The following TAFA5 variants were observed in gnomAD, a reference collection of about 807,000 sequenced individuals.
TAFA5 encodes the protein TAFA chemokine like family member 5, also known as chemokine-like protein TAFA-5.
Under a neutral mutation model 15.3 loss-of-function variants are expected in TAFA5, and 6 were observed. The observed-to-expected ratio is 0.39, with a 90% confidence interval of 0.21 to 0.77. The LOEUF (loss-of-function observed/expected upper bound fraction) is 0.77. TAFA5 is among the 30% of genes least tolerant of loss of function. The pLI is 0.41. For missense variants in TAFA5, 161 were observed against 193.1 expected (o/e 0.83, Z 0.98); for synonymous variants, 103 against 80.7 (o/e 1.28, Z -1.48).
At chr22:48,690,402 C>T (rs1027669658) in intron 2 of TAFA5, among the ~76,000 whole-genome samples, 4 of 152,050 alleles carry the variant, frequency 2.6e-5, no homozygotes, top group South Asian at 2.1e-4. Context: ...GTGTATCAGC[C>T]ACACAGCCGT....
chr22:48,694,217 T>A (rs1391003607), intron 2 of TAFA5, among the ~76,000 whole-genome samples: 1 of 152,146 alleles, frequency 6.6e-6, no homozygotes, highest in Non-Finnish European at 1.5e-5. Context: ...CAGTAATAAA[T>A]GAGCATACCA....
chr22:48,734,364 T>C (rs1448631124), intron 3 of TAFA5, among the ~76,000 whole-genome samples: 3 of 152,242 alleles, frequency 2.0e-5, no homozygotes, highest in Non-Finnish European at 4.4e-5. Context: ...AAGATTTGAA[T>C]CCAGTTTCCC....
chr22:48,576,836 C>T (rs1285197660), intron 1 of TAFA5, among the ~76,000 whole-genome samples: 1 of 151,834 alleles, frequency 6.6e-6, no homozygotes, highest in Non-Finnish European at 1.5e-5. Flanking sequence ...TCTGGCGCCG[C>T]CCCGGATCCC....
intron 1 of TAFA5, among the ~76,000 whole-genome samples, chr22:48,568,477 A>G (rs1923477961): frequency 6.6e-6 from 1 of 152,150 alleles, no homozygotes; most frequent in South Asian, 2.1e-4. Context: ...GACTCCAGAC[A>G]AGGGCTGGCT....
intron 1 of TAFA5, among the ~76,000 whole-genome samples, chr22:48,549,619 A>C (rs1922792325): frequency 6.6e-6 from 1 of 152,206 alleles, no homozygotes; most frequent in South Asian, 2.1e-4. Context: ...TGCTCCTGTA[A>C]AACTGCAGTG....
chr22:48,731,935 G>T (rs2147267597), intron 3 of TAFA5, among the ~76,000 whole-genome samples: 1 of 152,328 alleles, frequency 6.6e-6, no homozygotes, highest in East Asian at 1.9e-4. Flanking sequence ...ATGGACCTGG[G>T]CAAAGTCAAA....
chr22:48,724,613 A>G (rs1260519364), intron 3 of TAFA5, among the ~76,000 whole-genome samples: 1 of 152,244 alleles, frequency 6.6e-6, no homozygotes, highest in African/African-American at 2.4e-5. Flanking sequence ...AAAGAAAGAA[A>G]CAAGTAAGCG....
intron 1 of TAFA5, among the ~76,000 whole-genome samples, chr22:48,614,058 C>T (rs538239327): frequency 1.7e-4 from 26 of 152,330 alleles, no homozygotes; most frequent in African/African-American, 5.1e-4. Flanking sequence ...CCTGCACTTG[C>T]GAAGCGGTCC....
chr22:48,570,047 C>T (rs573147009), intron 1 of TAFA5, among the ~76,000 whole-genome samples: 2 of 152,364 alleles, frequency 1.3e-5, no homozygotes, highest in African/African-American at 4.8e-5. Flanking sequence ...CTCTTTCTGG[C>T]TCAGCCTCAC....
chr22:48,614,879 C>G (rs537199458), intron 1 of TAFA5, among the ~76,000 whole-genome samples: 11 of 152,260 alleles, frequency 7.2e-5, no homozygotes, highest in African/African-American at 2.6e-4. Context: ...GGAGCCGGCC[C>G]TGGAGAGAAG....
At chr22:48,583,919 C>A (rs546888412) in intron 1 of TAFA5, among the ~76,000 whole-genome samples, 27 of 128,432 alleles carry the variant, frequency 2.1e-4, no homozygotes, top group South Asian at 9.7e-4. Context: ...ACCTCATACA[C>A]CACACACACA....
intron 1 of TAFA5, among the ~76,000 whole-genome samples, chr22:48,518,790 G>A (rs1234563783): frequency 6.6e-6 from 1 of 152,220 alleles, no homozygotes; most frequent in African/African-American, 2.4e-5. Flanking sequence ...CCAGGGTCAC[G>A]CTGGGACAGG....
At chr22:48,663,951 G>A (rs550965634) in intron 2 of TAFA5, among the ~76,000 whole-genome samples, 313 of 152,298 alleles carry the variant, frequency 2.1e-3, no homozygotes, top group African/African-American at 7.2e-3. Flanking sequence ...TAAGTGAAAA[G>A]ATGAGAATTC....
chr22:48,650,138 A>G lies in TAFA5; in HGVS notation c.262+3392A>G, dbSNP rs181853139. Among the ~76,000 whole-genome samples the G allele has an allele frequency of 1.2e-3, 179 of 152,256 alleles. 1 individual carries two copies. The highest frequency in any genetic ancestry group is 3.5e-3 in the Admixed American group (54 of 15,294). On this transcript the variant is annotated intron_variant, in intron 2 of 3. Coordinates refer to ENST00000402357, the MANE Select transcript of TAFA5 (RefSeq NM_001082967.3). ...ATAAGTTTCCTCGCATGTGAATTGC[A>G]TTTGCTGAAGAGAAAACTTGTGCTG...
chr22:48,622,160 C>T (rs988529051), intron 1 of TAFA5, among the ~76,000 whole-genome samples: 8 of 152,248 alleles, frequency 5.3e-5, no homozygotes, highest in South Asian at 2.1e-4. Context: ...CCAGGGGTAC[C>T]GGGGGCCCAC....
chr22:48,739,656 C>G (rs1045580483), intron 3 of TAFA5, among the ~76,000 whole-genome samples: 3 of 152,146 alleles, frequency 2.0e-5, no homozygotes, highest in Admixed American at 6.5e-5. Flanking sequence ...AACTGATCTT[C>G]GAGCTCGCTG....
At chr22:48,725,123 C>T (rs1359011639) in intron 3 of TAFA5, among the ~76,000 whole-genome samples, 3 of 152,230 alleles carry the variant, frequency 2.0e-5, no homozygotes, top group African/African-American at 4.8e-5. Context: ...GGAAGCCTGT[C>T]GGGCATCCTG....
intron 2 of TAFA5, among the ~76,000 whole-genome samples, chr22:48,680,414 C>T (rs1928144891): frequency 1.3e-5 from 2 of 152,180 alleles, no homozygotes; most frequent in African/African-American, 4.8e-5. Context: ...GCTGCCGGGG[C>T]CCTGTGGCAT....
At chr22:48,604,002 C>A (rs1925068236) in intron 1 of TAFA5, among the ~76,000 whole-genome samples, 1 of 152,196 alleles carries the variant, frequency 6.6e-6, no homozygotes, top group Non-Finnish European at 1.5e-5. Flanking sequence ...ATGACACCCA[C>A]CCGGGAGTTT....
Sources: allele counts gnomAD v4.1 joint callset (sites outside exome capture counted in the v4.1 genomes callset), GRCh38; gene constraint gnomAD v4.1.1; transcripts MANE v1.5; gene names NCBI Gene and HGNC (gene_info 2026-07-23, HGNC 2026-07-21).